Variants in EGR1 observed in about 807,000 individuals in gnomAD.
The protein encoded by EGR1 is early growth response 1.
Under a neutral mutation model 30.2 loss-of-function variants are expected in EGR1, and 8 were observed. That is an observed-to-expected ratio of 0.26 (90% confidence interval 0.16 to 0.48). EGR1 has a LOEUF of 0.48. Among genes scored for constraint, EGR1 ranks in the 20% least tolerant of loss-of-function variants. The probability of loss-of-function intolerance (pLI) is 0.99; values close to 1 mark genes in which losing one functional copy is unlikely to be tolerated. For synonymous variants in EGR1, 334 were observed against 312.8 expected (o/e 1.07, Z -0.72); for missense variants, 568 against 732.3 (o/e 0.78, Z 2.59).
chr5:138,467,940 C>G lies in EGR1; in HGVS notation c.1491C>G (p.Thr497=). The G allele has an allele frequency of 6.2e-7, 1 of 1,614,000 alleles. No individual in the cohort carries two copies. Among genetic ancestry groups the G allele is most frequent in the Non-Finnish European group, 8.5e-7 (1 of 1,179,922 alleles). Residue 497 remains threonine (T), a synonymous_variant, in exon 2 of 2, where the codon ACC becomes ACG. Transcript: ENST00000239938. This position sits in a 1 kb window ranked among gnomAD's most constrained non-coding sequence, Gnocchi z 8.3. ...GCTTCCCCTCCCCGTCGGTGGCCAC[C>G]ACGTACTCCTCTGTTCCCCCTGCTT... ...HSGFPSPSVA[T]TYSSVPPAFP... is the part of the protein sequence containing the mutation.
At position 138,465,780 on chromosome 5, in the gene EGR1, GA is replaced by G; in HGVS notation, c.20del (p.Glu7GlyfsTer4). The G allele has an allele frequency of 6.2e-7, 1 of 1,606,062 alleles. No individual in the cohort carries two copies. Among genetic ancestry groups the G allele is most frequent in the Non-Finnish European group, 8.5e-7 (1 of 1,174,246 alleles). Reference protein sequence around the residue: MAAAKAEMQLMSPLQIS... With the variant: MAAAKAXMQLMSPLQIS... ...GTCCAGGATGGCCGCGGCCAAGGCC[GA>G]GATGCAGCTGATGTCCCCGCTGCAG... On this transcript the variant is annotated frameshift_variant, in exon 1 of 2. Coordinates refer to ENST00000239938, the MANE Select transcript of EGR1 (RefSeq NM_001964.3). LOFTEE classifies it high-confidence loss of function.
Position 138,465,877 on chromosome 5 carries a change from T to C in EGR1, c.116T>C (p.Met39Thr), listed in dbSNP as rs577004119. ...AACTACCCTAAGCTGGAGGAGATGA[T>C]GCTGCTGAGCAACGGGGCTCCCCAG... ...MDNYPKLEEM[M>T]LLSNGAPQFL... Residue 39 changes from methionine (M) to threonine (T), a missense_variant, in exon 1 of 2, where the codon ATG becomes ACG. Coordinates refer to ENST00000239938, the MANE Select transcript of EGR1 (RefSeq NM_001964.3). 2.5e-6 allele frequency: 4 copies of C among 1,613,972 alleles called. No individual in the cohort carries two copies. The African/African-American group carries it at 4.0e-5, about 16-fold the overall frequency.
Position 138,467,145 on chromosome 5 carries a change from G to A in EGR1, c.696G>A (p.Ala232=), listed in dbSNP as rs1764168974. The change falls in exon 2 of 2, where the codon GCG becomes GCA. Residue 232 remains alanine (A), a synonymous_variant. Coordinates refer to ENST00000239938, the MANE Select transcript of EGR1 (RefSeq NM_001964.3). This position sits in a 1 kb window ranked among gnomAD's most constrained non-coding sequence, Gnocchi z 8.3. The part of the protein sequence containing the change: ...SQAFPGSAGT[A]LQYPPPAYPA... ...CCTTCCCGGGCTCGGCAGGGACAGC[G>A]CTCCAGTACCCGCCTCCTGCCTACC... 3 of 1,613,198 alleles carry A rather than the reference G, an allele frequency of 1.9e-6. No individual in the cohort carries two copies. The highest frequency in any genetic ancestry group is 2.5e-6 in the Non-Finnish European group (3 of 1,179,968).
chr5:138,466,651 G>C, intron 1 of EGR1, 106 bp from the exon 2 acceptor site: 1 of 1,312,510 alleles, frequency 7.6e-7, no homozygotes, highest in Non-Finnish European at 1.1e-6. Context: ...TACCTCGGGA[G>C]TCAATGGTAG....
chr5:138,468,847 T>G lies in EGR1; in HGVS notation c.*766T>G, dbSNP rs201703324. 1 of 152,158 alleles carries G rather than the reference T, an allele frequency of 6.6e-6. No individual in the cohort carries two copies. The highest frequency in any genetic ancestry group is 1.5e-5 in the Non-Finnish European group (1 of 68,058). The allele number at this position is 152,158 out of a possible 1,614,324, so 9.4% of individuals were successfully genotyped here. On this transcript the variant is annotated 3_prime_UTR_variant, in exon 2 of 2. Transcript: ENST00000239938. The stretch of plus-strand genomic sequence containing the variant: ...CTTTTGGTTTAAAAAGTTTCACGTC[T>G]TGGTGCCTTTTGTGTGATGCGCCTT...
In EGR1 at chr5:138,466,764, T is replaced by C. The variant is rs755545385; in HGVS notation, c.315T>C (p.Phe105=). 22 of 1,609,404 alleles carry C rather than the reference T, an allele frequency of 1.4e-5. No homozygotes were observed. The highest frequency in any genetic ancestry group is 1.9e-5 in the Non-Finnish European group (22 of 1,176,322). ...QPYEHLTAES[F]PDISLNNEKV... ...TTCTCTCTCTCCTGCCAGAGTCTTT[T>C]CCTGACATCTCTCTGAACAACGAGA... Residue 105 remains phenylalanine, a synonymous_variant, in exon 2 of 2, where the codon TTT becomes TTC. Transcript: ENST00000239938.
Position 138,466,796 on chromosome 5 carries a change from T to A in EGR1, c.347T>A (p.Leu116Gln). Residue 116 changes from leucine (L) to glutamine (Q), a missense_variant, in exon 2 of 2, where the codon CTG becomes CAG. By Grantham distance (113) the Leu-to-Gln change is moderately radical. Transcript: ENST00000239938. ...ATCTCTCTGAACAACGAGAAGGTGC[T>A]GGTGGAGACCAGTTACCCCAGCCAA... ...PDISLNNEKV[L>Q]VETSYPSQTT... 6.2e-7 allele frequency: 1 copy of A among 1,614,020 alleles called. No individual in the cohort carries two copies. Among genetic ancestry groups the A allele is most frequent in the Non-Finnish European group, 8.5e-7 (1 of 1,179,954 alleles).
chr5:138,468,109 G>A lies in EGR1; in HGVS notation c.*28G>A. ...GGAAAGGGGAAAGAAAGGGAAAAGG[G>A]AGAAAAAGAAACACAAGAGACTTAA... On this transcript the variant is annotated 3_prime_UTR_variant, in exon 2 of 2. Transcript: ENST00000239938. 1 of 1,541,680 alleles carries A rather than the reference G, an allele frequency of 6.5e-7. No individual in the cohort carries two copies. The highest frequency in any genetic ancestry group is 8.7e-7 in the Non-Finnish European group (1 of 1,145,728).
intron 1 of EGR1, among the ~76,000 whole-genome samples, chr5:138,466,354 G>GC (rs1418230831): frequency 6.6e-6 from 1 of 152,218 alleles, no homozygotes; most frequent in Admixed American, 6.5e-5. Flanking sequence ...GCGGGGCTGC[G>GC]CCCCCCACCT....
rs1465687054 is a variant in EGR1, at chr5:138,465,955, G to C, written c.194G>C (p.Ser65Thr). 1 of 1,612,300 alleles carries C rather than the reference G, an allele frequency of 6.2e-7. No homozygotes were observed. The highest frequency in any genetic ancestry group is 1.1e-5 in the South Asian group (1 of 90,986). ...PEGSGSNSSS[S>T]SSGGGGGGGG... is the part of the protein sequence containing the mutation. Reference sequence around the variant, plus strand: ...GGCAGCGGCAGCAACAGCAGCAGCAGCAGCAGCGGGGGCGGTGGAGGCGGC... The same window carrying C: ...GGCAGCGGCAGCAACAGCAGCAGCACCAGCAGCGGGGGCGGTGGAGGCGGC... The change falls in exon 1 of 2, where the codon AGC becomes ACC. Residue 65 changes from serine (S) to threonine (T), a missense_variant. Physicochemically the swap from Ser to Thr is moderately conservative, Grantham distance 58. Around this residue, in one of 4 missense-constraint regions of EGR1, gnomAD observed 415 missense variants for 445.2 expected, o/e 0.93. Transcript: ENST00000239938.
chr5:138,466,677 G>A (rs1011212765), intron 1 of EGR1, 80 bp from the exon 2 acceptor site: 2 of 1,510,584 alleles, frequency 1.3e-6, no homozygotes, highest in African/African-American at 2.8e-5. Context: ...CCGGTCTCTT[G>A]CCTGGCAGCT....
Position 138,465,943 on chromosome 5 carries a change from A to G in EGR1, c.182A>G (p.Asn61Ser), listed in dbSNP as rs957730983. 2 of 1,612,468 alleles carry G rather than the reference A, an allele frequency of 1.2e-6. No individual in the cohort carries two copies. Among genetic ancestry groups the G allele is most frequent in the South Asian group, 1.1e-5 (1 of 91,018 alleles). The change falls in exon 1 of 2, where the codon AAC (asparagine) becomes AGC (serine). Residue 61 changes from asparagine to serine, a missense_variant. By Grantham distance (46) the Asn-to-Ser change is conservative. Coordinates refer to ENST00000239938, the MANE Select transcript of EGR1 (RefSeq NM_001964.3). Reference protein sequence around the residue: ...AAGAPEGSGSNSSSSSSGGGG... With the variant: ...AAGAPEGSGSSSSSSSSGGGG... ...GGGGCCCCAGAGGGCAGCGGCAGCAACAGCAGCAGCAGCAGCAGCGGGGGC... is the reference window on the plus strand; with the variant it reads ...GGGGCCCCAGAGGGCAGCGGCAGCAGCAGCAGCAGCAGCAGCAGCGGGGGC...
rs1232793156 is a variant in EGR1 at position 138,465,948 on chromosome 5, A to C, written c.187A>C (p.Ser63Arg). ...GAPEGSGSNS[S>R]SSSSGGGGGG... ...CCCAGAGGGCAGCGGCAGCAACAGC[A>C]GCAGCAGCAGCAGCGGGGGCGGTGG... The change falls in exon 1 of 2, where the codon AGC becomes CGC. Residue 63 changes from serine (S) to arginine (R), a missense_variant. Ser to Arg is a moderately radical substitution (Grantham distance 110). Transcript: ENST00000239938. The C allele has an allele frequency of 6.2e-7, 1 of 1,612,156 alleles. No individual in the cohort carries two copies.
Position 138,466,798 on chromosome 5 carries a change from G to A in EGR1, c.349G>A (p.Val117Met). 1 of 1,613,982 alleles carries A rather than the reference G, an allele frequency of 6.2e-7. No individual in the cohort carries two copies. Among genetic ancestry groups the A allele is most frequent in the East Asian group, 2.2e-5 (1 of 44,870 alleles). The change falls in exon 2 of 2, where the codon GTG (valine) becomes ATG (methionine). Residue 117 changes from valine (V) to methionine (M), a missense_variant. This residue lies in a region of EGR1 where 415 missense variants were observed against 445.2 expected (regional missense o/e 0.93). Transcript: ENST00000239938. ...CTCTCTGAACAACGAGAAGGTGCTG[G>A]TGGAGACCAGTTACCCCAGCCAAAC... ...DISLNNEKVL[V>M]ETSYPSQTTR...
rs1764170792 is a variant in EGR1, at chr5:138,467,283, G to T, written c.834G>T (p.Glu278Asp). The T allele has an allele frequency of 6.2e-7, 1 of 1,613,776 alleles. No individual in the cohort carries two copies. Among genetic ancestry groups the T allele is most frequent in the South Asian group, 1.1e-5 (1 of 91,086 alleles). Residue 278 changes from glutamate (E) to aspartate (D), a missense_variant, in exon 2 of 2, where the codon GAG becomes GAT. Physicochemically the swap from Glu to Asp is conservative, Grantham distance 45 (BLOSUM62 2). Coordinates refer to ENST00000239938, the MANE Select transcript of EGR1 (RefSeq NM_001964.3). This position sits in a 1 kb window ranked among gnomAD's most constrained non-coding sequence, Gnocchi z 8.3. ...TPDQKPFQGL[E>D]SRTQQPSLTP... Reference sequence around the variant, plus strand: ...ACCAGAAGCCCTTCCAGGGCCTGGAGAGCCGCACCCAGCAGCCTTCGCTAA... The same window carrying T: ...ACCAGAAGCCCTTCCAGGGCCTGGATAGCCGCACCCAGCAGCCTTCGCTAA...
At chr5:138,466,098 C>T in intron 1 of EGR1, 30 bp downstream of exon 1, 26 of 1,520,712 alleles carry the variant, frequency 1.7e-5, no homozygotes, top group Non-Finnish European at 2.3e-5. Flanking sequence ...GAGGGGGAAC[C>T]CTTTCGCCAC....
intron 1 of EGR1, 95 bp from the exon 2 acceptor site, chr5:138,466,662 C>T (rs1320883826): frequency 1.4e-6 from 2 of 1,425,000 alleles, no homozygotes; most frequent in African/African-American, 1.4e-5. Flanking sequence ...TCAATGGTAG[C>T]CGGCCCGGTC....
rs765856772 is a variant in EGR1, at chr5:138,466,936, A to T, written c.487A>T (p.Ser163Cys). ...PLFSLVSGLV[S>C]MTNPPASSSS... ...CTTCAGCTTGGTCAGTGGCCTAGTG[A>T]GCATGACCAACCCACCGGCCTCCTC... Residue 163 changes from serine to cysteine, a missense_variant, in exon 2 of 2, where the codon AGC (serine) becomes TGC (cysteine). Coordinates refer to ENST00000239938, the MANE Select transcript of EGR1 (RefSeq NM_001964.3). 6.2e-7 allele frequency: 1 copy of T among 1,613,918 alleles called. No individual in the cohort carries two copies. The highest frequency in any genetic ancestry group is 8.5e-7 in the Non-Finnish European group (1 of 1,179,980).
At position 138,466,037 on chromosome 5, in the gene EGR1, G is replaced by T. The variant is rs1447167327; in HGVS notation, c.276G>T (p.Thr92=). ...GCACCTTCAACCCTCAGGCGGACAC[G>T]GGCGAGCAGCCCTACGAGCACCTGA... ...SSSTFNPQAD[T]GEQPYEHLTA... is the part of the protein sequence containing the mutation. Residue 92 remains threonine, a synonymous_variant, in exon 1 of 2, where the codon ACG becomes ACT. Transcript: ENST00000239938. 1.3e-6 allele frequency: 2 copies of T among 1,597,882 alleles called. No homozygotes were observed. Among genetic ancestry groups the T allele is most frequent in the East Asian group, 2.2e-5 (1 of 44,610 alleles).
Sources: gnomAD v4.1 joint callset for allele counts (sites outside exome capture counted in the v4.1 genomes callset) on GRCh38, gnomAD v4.1.1 for gene constraint, gnomAD v4.1.1 regional missense constraint, Gnocchi (gnomAD v3.1) non-coding constraint, MANE v1.5 for transcripts, NCBI Gene and HGNC (gene_info 2026-07-23, HGNC 2026-07-21) for gene names.